Variants in CENPP observed in about 807,000 individuals in gnomAD.
CENPP encodes centromere protein P.
CENPP carries 24 observed loss-of-function variants against 35.6 expected under a neutral mutation model. The observed-to-expected ratio is 0.67, with a 90% CI of 0.49 to 0.95. The LOEUF (loss-of-function observed/expected upper bound fraction) is 0.95. CENPP is among the 40% of genes least tolerant of loss of function. The probability of loss-of-function intolerance (pLI) is 0.00; values close to 1 mark genes in which losing one functional copy is unlikely to be tolerated. For missense variants in CENPP, 332 were observed against 345.3 expected (o/e 0.96, Z 0.31); for synonymous variants, 120 against 125.5 (o/e 0.96, Z 0.29).
intron 5 of CENPP, among the ~76,000 whole-genome samples, chr9:92,380,949 G>A (rs553351602): frequency 9.2e-5 from 14 of 152,188 alleles, no homozygotes; most frequent in African/African-American, 3.4e-4. Flanking sequence ...TCTTATGGAG[G>A]GTAAAGAGCT....
chr9:92,605,811 C>A (rs577524246), intron 5 of CENPP, among the ~76,000 whole-genome samples: 1 of 152,080 alleles, frequency 6.6e-6, no homozygotes, highest in South Asian at 2.1e-4. Flanking sequence ...TGGATTTCAT[C>A]AAAATGAAAA....
intron 5 of CENPP, among the ~76,000 whole-genome samples, chr9:92,557,815 G>T (rs1849759944): frequency 6.6e-6 from 1 of 151,954 alleles, no homozygotes; most frequent in African/African-American, 2.4e-5. Context: ...ACTAATTTTT[G>T]TATTTTTTTA....
At chr9:92,550,043 G>A (rs1417893073) in intron 5 of CENPP, among the ~76,000 whole-genome samples, 1 of 152,172 alleles carries the variant, frequency 6.6e-6, no homozygotes, top group Non-Finnish European at 1.5e-5. Flanking sequence ...AACAGAGACA[G>A]GACACATTGA....
At chr9:92,534,630 C>T (rs1394717713) in intron 5 of CENPP, among the ~76,000 whole-genome samples, 2 of 152,062 alleles carry the variant, frequency 1.3e-5, no homozygotes, top group Non-Finnish European at 2.9e-5. Context: ...AAAGAAGGAC[C>T]AAATCCATTA....
chr9:92,397,229 A>G (rs1160893952), intron 5 of CENPP, among the ~76,000 whole-genome samples: 1 of 151,994 alleles, frequency 6.6e-6, no homozygotes. Flanking sequence ...GAACTTCCTT[A>G]TTTCCTAACA....
At chr9:92,567,397 G>GATATATATATATATATATAGAT (rs762810461) in intron 5 of CENPP, among the ~76,000 whole-genome samples, 1 of 51,584 alleles carries the variant, frequency 1.9e-5, no homozygotes, top group African/African-American at 9.2e-5. Flanking sequence ...TATATATATA[G>GATATATATATATATATATAGAT]ATATATATAT....
chr9:92,360,718 A>T (rs1018760492), intron 4 of CENPP, among the ~76,000 whole-genome samples: 2 of 151,644 alleles, frequency 1.3e-5, no homozygotes, highest in African/African-American at 4.8e-5. Flanking sequence ...TATTATTATT[A>T]TTTTTTGAGA....
At chr9:92,449,435 T>A in intron 5 of CENPP, among the ~76,000 whole-genome samples, 1 of 50,992 alleles carries the variant, frequency 2.0e-5, no homozygotes. Flanking sequence ...AGACTCTATC[T>A]CCAAAAAAAA....
At chr9:92,584,125 C>T (rs1321071730) in intron 5 of CENPP, among the ~76,000 whole-genome samples, 1 of 152,192 alleles carries the variant, frequency 6.6e-6, no homozygotes, top group South Asian at 2.1e-4. Context: ...ATCCCCCAGT[C>T]CCAGCCTGGC....
rs774390603 is a variant in CENPP, at chr9:92,615,793, A to ACAT, written c.*2645_*2647dup. 5.5e-6 allele frequency: 8 copies of ACAT among 1,467,248 alleles called. No individual in the cohort carries two copies. In the Admixed American group the frequency reaches 1.2e-4, roughly 22 times the overall value. 90.9% of individuals were successfully genotyped at this position (1,467,248 alleles called of 1,614,324 possible). On this transcript the variant is annotated 3_prime_UTR_variant, in exon 8 of 8. Coordinates refer to ENST00000375587, the MANE Select transcript of CENPP (RefSeq NM_001012267.3). The stretch of plus-strand genomic sequence containing the variant: ...AAAATATCTCTATCATTCAGCCTTC[A>ACAT]CATTATGTTCAAGTTTCAAAGACAC...
In CENPP at chr9:92,615,292, G is replaced by A. The variant is rs1442091188; in HGVS notation, c.*2143G>A. On this transcript the variant is annotated 3_prime_UTR_variant, in exon 8 of 8. Coordinates refer to ENST00000375587, the MANE Select transcript of CENPP (RefSeq NM_001012267.3). ...TCTACACTGCTCAGAATCGGCATCTGCGCGACCACGAGGTCACGCTGTGCA... is the reference window on the plus strand; with the variant it reads ...TCTACACTGCTCAGAATCGGCATCTACGCGACCACGAGGTCACGCTGTGCA... 6.2e-6 allele frequency: 1 copy of A among 161,198 alleles called. No homozygotes were observed. The highest frequency in any genetic ancestry group is 2.4e-5 in the African/African-American group (1 of 41,496). The allele number at this position is 161,198 out of a possible 1,614,324, so 10.0% of individuals were successfully genotyped here.
At chr9:92,403,560 G>C in intron 5 of CENPP, 1 of 1,324,498 alleles carries the variant, frequency 7.6e-7, no homozygotes, top group Non-Finnish European at 9.6e-7. Flanking sequence ...CGCAGTAAGG[G>C]CCAGAGAACA....
chr9:92,346,624 C>G (rs1487603417), intron 4 of CENPP, among the ~76,000 whole-genome samples: 2 of 152,160 alleles, frequency 1.3e-5, no homozygotes, highest in African/African-American at 2.4e-5. Flanking sequence ...AAAAGTGTGG[C>G]ATCCTAGAAA....
In CENPP at chr9:92,504,377, G is replaced by T. The variant is rs549586722; in HGVS notation, c.565-106937G>T. Among the ~76,000 whole-genome samples, 23 of 152,306 alleles carry T rather than the reference G, an allele frequency of 1.5e-4. 1 individual carries two copies. In the South Asian group the frequency reaches 3.3e-3, roughly 22 times the overall value. On this transcript the variant is annotated intron_variant, in intron 5 of 7. Transcript: ENST00000375587. ...TCACAATAGATGACCCTCTTTTCTGGCTTGCTGGGGCTGCAGCCGGAGAAT... is the reference window on the plus strand; with the variant it reads ...TCACAATAGATGACCCTCTTTTCTGTCTTGCTGGGGCTGCAGCCGGAGAAT...
intron 5 of CENPP, among the ~76,000 whole-genome samples, chr9:92,607,484 GA>G (rs1851114911): frequency 1.3e-5 from 2 of 152,200 alleles, no homozygotes; most frequent in African/African-American, 4.8e-5. Flanking sequence ...TGTGGAATTA[GA>G]AAGTGGTGAT....
At chr9:92,357,517 G>A (rs1841624063) in intron 4 of CENPP, among the ~76,000 whole-genome samples, 1 of 146,770 alleles carries the variant, frequency 6.8e-6, no homozygotes, top group Admixed American at 6.8e-5. Context: ...ATTTTGAGAT[G>A]GAATTTCACT....
rs1339660368 is a variant in CENPP, at chr9:92,477,000, G to T, written c.564+97141G>T. ...CTGTACATAAAGAAGCACCTGTGTA[G>T]CTTGGATTGGAAGGTAGAGAACAGA... On this transcript the variant is annotated intron_variant, in intron 5 of 7. Coordinates refer to ENST00000375587, the MANE Select transcript of CENPP (RefSeq NM_001012267.3). This position sits in a 1 kb window ranked among gnomAD's most constrained non-coding sequence, Gnocchi z 4.1. Among the ~76,000 whole-genome samples, 1 of 152,194 alleles carries T rather than the reference G, an allele frequency of 6.6e-6. No individual in the cohort carries two copies. The highest frequency in any genetic ancestry group is 1.5e-5 in the Non-Finnish European group (1 of 68,032).
At chr9:92,492,222 A>G (rs1846191629) in intron 5 of CENPP, among the ~76,000 whole-genome samples, 1 of 152,224 alleles carries the variant, frequency 6.6e-6, no homozygotes, top group Non-Finnish European at 1.5e-5. Flanking sequence ...TCCTTTAGCT[A>G]TATACCTGTA....
chr9:92,387,762 T>C (rs965272978), intron 5 of CENPP, among the ~76,000 whole-genome samples: 1 of 152,072 alleles, frequency 6.6e-6, no homozygotes, highest in African/African-American at 2.4e-5. Flanking sequence ...GAATTTATTA[T>C]TTTCTTTTCT....
Sources: gnomAD v4.1 joint callset for allele counts (sites outside exome capture counted in the v4.1 genomes callset) on GRCh38, gnomAD v4.1.1 for gene constraint, Gnocchi (gnomAD v3.1) non-coding constraint, MANE v1.5 for transcripts, NCBI Gene and HGNC (gene_info 2026-07-23, HGNC 2026-07-21) for gene names.